Variants in IPO7 observed in about 807,000 individuals in gnomAD.
IPO7 encodes importin-7.
A neutral mutation model predicts 136.4 loss-of-function variants in IPO7; 13 were observed. The observed-to-expected ratio is 0.10, with a 90% CI of 0.06 to 0.15. The LOEUF (loss-of-function observed/expected upper bound fraction) is 0.15. Ranked by LOEUF, IPO7 falls within the 10% of genes least tolerant of loss-of-function variation. The pLI, the probability that IPO7 is intolerant of heterozygous loss-of-function variation, is 1.00. For missense variants in IPO7, 857 were observed against 1,240.6 expected (o/e 0.69, Z 4.65); for synonymous variants, 403 against 404.4 (o/e 1.00, Z 0.04).
chr11:9,414,265 C>A lies in IPO7; in HGVS notation c.490C>A (p.Pro164Thr). 1 of 1,607,018 alleles carries A rather than the reference C, an allele frequency of 6.2e-7. No individual in the cohort carries two copies. The highest frequency in any genetic ancestry group is 8.5e-7 in the Non-Finnish European group (1 of 1,177,878). ...TATTCCTACTCAAAGGTATAAAAAA[C>A]CAGAGGAGCGGAGTCCATTGGTAGC... ...QLVKNYEYKK[P>T]EERSPLVAAM... is the part of the protein sequence containing the mutation. The change falls in exon 5 of 25, where the codon CCA becomes ACA. Residue 164 changes from proline (P) to threonine (T), a missense_variant. By Grantham distance (38) the Pro-to-Thr change is conservative (BLOSUM62 -1). This residue lies in a region of IPO7 where 287 missense variants were observed against 307.5 expected (regional missense o/e 0.93). Coordinates refer to ENST00000379719, the MANE Select transcript of IPO7 (RefSeq NM_006391.3).
At chr11:9,408,680 ACTTT>A (rs1854922750) in intron 3 of IPO7, 41 bp downstream of exon 3, 1 of 1,228,786 alleles carries the variant, frequency 8.1e-7, no homozygotes, top group African/African-American at 1.7e-5. Context: ...CAGGTGTGTA[ACTTT>A]CAGGGTTTTT....
At chr11:9,442,813 G>C (rs879477479) in intron 24 of IPO7, among the ~76,000 whole-genome samples, 1 of 151,726 alleles carries the variant, frequency 6.6e-6, no homozygotes, top group African/African-American at 2.4e-5. Context: ...GCCTGAGCTC[G>C]GGAGTTTGAG....
chr11:9,429,205 T>C lies in IPO7; in HGVS notation c.1591+9T>C. ...CAGCAATCAAGAAAAAGGTAAAGGA[T>C]TTTTGTATGTCAAGAAAAGTGAATG... On this transcript the variant is annotated intron_variant, in intron 14 of 24. Coordinates refer to ENST00000379719, the MANE Select transcript of IPO7 (RefSeq NM_006391.3). 1 of 1,609,454 alleles carries C rather than the reference T, an allele frequency of 6.2e-7. No individual in the cohort carries two copies. Among genetic ancestry groups the C allele is most frequent in the Non-Finnish European group, 8.5e-7 (1 of 1,177,572 alleles).
intron 1 of IPO7, among the ~76,000 whole-genome samples, chr11:9,390,027 A>C (rs1483910601): frequency 6.6e-6 from 1 of 152,116 alleles, no homozygotes; most frequent in Non-Finnish European, 1.5e-5. Flanking sequence ...AAGTCTTGGG[A>C]TTACAGGCGT....
Position 9,414,301 on chromosome 11 carries a change from C to G in IPO7, c.526C>G (p.His176Asp). 1 of 1,613,078 alleles carries G rather than the reference C, an allele frequency of 6.2e-7. No individual in the cohort carries two copies. Among genetic ancestry groups the G allele is most frequent in the Non-Finnish European group, 8.5e-7 (1 of 1,179,366 alleles). The part of the protein sequence containing the change: ...ERSPLVAAMQ[H>D]FLPVLKDRFI... ...GAGTCCATTGGTAGCAGCAATGCAG[C>G]ATTTTCTGCCAGTTCTAAAGGATCG... is the stretch of plus-strand genomic sequence containing the variant. The change falls in exon 5 of 25, where the codon CAT (histidine) becomes GAT (aspartate). Residue 176 changes from histidine (H) to aspartate (D), a missense_variant. By Grantham distance (81) the His-to-Asp change is moderately conservative (BLOSUM62 -1). Transcript: ENST00000379719.
Position 9,445,267 on chromosome 11 carries a change from G to C in IPO7, c.*73G>C. Reference sequence around the variant, plus strand: ...TCCTCCTAGTAGTGGTTCCAGAACTGGTTCATGTTATCTATTCTAAACTAA... The same window carrying C: ...TCCTCCTAGTAGTGGTTCCAGAACTCGTTCATGTTATCTATTCTAAACTAA... On this transcript the variant is annotated 3_prime_UTR_variant, in exon 25 of 25. Coordinates refer to ENST00000379719, the MANE Select transcript of IPO7 (RefSeq NM_006391.3). 3 of 923,716 alleles carry C rather than the reference G, an allele frequency of 3.2e-6. No individual in the cohort carries two copies. Among genetic ancestry groups the C allele is most frequent in the Non-Finnish European group, 5.3e-6 (3 of 566,704 alleles). The allele number at this position is 923,716 out of a possible 1,614,324, so 57.2% of individuals were successfully genotyped here.
At position 9,445,564 on chromosome 11, in the gene IPO7, A is replaced by G. The variant is rs1359131781; in HGVS notation, c.*370A>G. ...GGCATGGGCTACAGGACTATTTAAAATGTCTCATTTACAGTATAAAACTCA... is the reference window on the plus strand; with the variant it reads ...GGCATGGGCTACAGGACTATTTAAAGTGTCTCATTTACAGTATAAAACTCA... On this transcript the variant is annotated 3_prime_UTR_variant, in exon 25 of 25. Coordinates refer to ENST00000379719, the MANE Select transcript of IPO7 (RefSeq NM_006391.3). The G allele has an allele frequency of 1.2e-5, 2 of 169,202 alleles. No individual in the cohort carries two copies. Among genetic ancestry groups the G allele is most frequent in the African/African-American group, 2.4e-5 (1 of 41,978 alleles). The allele number at this position is 169,202 out of a possible 1,614,324, so 10.5% of individuals were successfully genotyped here. A position where few individuals can be genotyped will look rare whatever the true frequency, so the allele number is the denominator to read the frequency against.
chr11:9,391,440 G>T (rs1854631819), intron 1 of IPO7, among the ~76,000 whole-genome samples: 1 of 151,956 alleles, frequency 6.6e-6, no homozygotes, highest in East Asian at 1.9e-4. Flanking sequence ...GGGCATGGTG[G>T]CTCACGCCTG....
At chr11:9,402,108 T>G (rs1225145280) in intron 1 of IPO7, among the ~76,000 whole-genome samples, 4 of 152,140 alleles carry the variant, frequency 2.6e-5, no homozygotes, top group Non-Finnish European at 5.9e-5. Context: ...AGGTTAAGAA[T>G]GCTAGTTGGA....
chr11:9,394,167 G>A (rs1256912890), intron 1 of IPO7, among the ~76,000 whole-genome samples: 2 of 151,982 alleles, frequency 1.3e-5, no homozygotes, highest in Non-Finnish European at 2.9e-5. Context: ...GTGAACCATC[G>A]CCCCCAGCCT....
At chr11:9,388,249 C>T (rs1430866485) in intron 1 of IPO7, among the ~76,000 whole-genome samples, 1 of 150,100 alleles carries the variant, frequency 6.7e-6, no homozygotes, top group African/African-American at 2.4e-5. Flanking sequence ...GCAATATGAG[C>T]CCACCGCAAC....
intron 17 of IPO7, 35 bp from the exon 18 acceptor site, chr11:9,433,686 A>C: frequency 6.2e-7 from 1 of 1,613,220 alleles, no homozygotes; most frequent in Non-Finnish European, 8.5e-7. Flanking sequence ...TCACATGAGC[A>C]AGCATTTTCC....
intron 1 of IPO7, among the ~76,000 whole-genome samples, chr11:9,388,542 C>A (rs34946373): frequency 0.15 from 22,758 of 151,948 alleles, 2,161 homozygotes; most frequent in Admixed American, 0.21. Context: ...GCAGTGGCAC[C>A]ATCATGGCTC....
At chr11:9,393,151 G>C (rs556480232) in intron 1 of IPO7, among the ~76,000 whole-genome samples, 54 of 152,252 alleles carry the variant, frequency 3.5e-4, no homozygotes, top group African/African-American at 1.3e-3. Flanking sequence ...TGAAGTTTAG[G>C]AGAGAAAGCA....
chr11:9,447,025 A>T lies in IPO7; in HGVS notation c.*1831A>T, dbSNP rs995730079. 6 of 152,214 alleles carry T rather than the reference A, an allele frequency of 3.9e-5. No individual in the cohort carries two copies. The highest frequency in any genetic ancestry group is 1.4e-4 in the African/African-American group (6 of 41,474). 9.4% of individuals were successfully genotyped at this position (152,214 alleles called of 1,614,324 possible). On this transcript the variant is annotated 3_prime_UTR_variant, in exon 25 of 25. Coordinates refer to ENST00000379719, the MANE Select transcript of IPO7 (RefSeq NM_006391.3). Reference sequence around the variant, plus strand: ...AGGGATTTCACTATTATATAAAGTCAATAAAAATGAAGTAGTTGTATATAT... The same window carrying T: ...AGGGATTTCACTATTATATAAAGTCTATAAAAATGAAGTAGTTGTATATAT...
chr11:9,431,050 T>C, intron 16 of IPO7, 47 bp downstream of exon 16: 2 of 1,536,546 alleles, frequency 1.3e-6, no homozygotes, highest in Middle Eastern at 1.7e-4. Context: ...ATTTTATGCT[T>C]TTTAGAGGGC....
intron 1 of IPO7, among the ~76,000 whole-genome samples, chr11:9,387,569 C>A (rs1445107893): frequency 1.3e-5 from 2 of 152,206 alleles, no homozygotes; most frequent in Non-Finnish European, 2.9e-5. Flanking sequence ...CGGTGGCTCA[C>A]GCCTGTAATC....
chr11:9,406,673 C>G (rs1360832682), intron 2 of IPO7, among the ~76,000 whole-genome samples: 4 of 152,090 alleles, frequency 2.6e-5, no homozygotes, highest in Admixed American at 6.6e-5. Context: ...GAGTTCAAGA[C>G]CAGCCTGGTC....
At chr11:9,413,769 T>C (rs1855001288) in intron 4 of IPO7, among the ~76,000 whole-genome samples, 1 of 151,962 alleles carries the variant, frequency 6.6e-6, no homozygotes, top group South Asian at 2.1e-4. Flanking sequence ...TCTAGATATT[T>C]TTCTTTTTCT....
Sources: allele counts gnomAD v4.1 joint callset (sites outside exome capture counted in the v4.1 genomes callset), GRCh38; gene constraint gnomAD v4.1.1; regional missense constraint gnomAD v4.1.1; transcripts MANE v1.5; gene names NCBI Gene and HGNC (gene_info 2026-07-23, HGNC 2026-07-21).